The following TANK variants were observed in gnomAD, a reference collection of about 807,000 sequenced individuals.
The protein encoded by TANK is TRAF family member associated NFKB activator.
Under a neutral mutation model 43.6 loss-of-function variants are expected in TANK, and 15 were observed. The observed-to-expected ratio is 0.34, with a 90% CI of 0.23 to 0.53. The LOEUF (loss-of-function observed/expected upper bound fraction) is 0.53. Ranked by LOEUF, TANK falls within the 20% of genes least tolerant of loss-of-function variation. The pLI, the probability that TANK is intolerant of heterozygous loss-of-function variation, is 0.94. For synonymous variants in TANK, 162 were observed against 178.2 expected, an observed-to-expected ratio of 0.91 and a Z score of 0.73; for missense variants, 417 against 498.6, an observed-to-expected ratio of 0.84 and a Z score of 1.56.
At chr2:161,216,681 G>A (rs958428049) in intron 4 of TANK, among the ~76,000 whole-genome samples, 1 of 150,990 alleles carries the variant, frequency 6.6e-6, no homozygotes, top group Non-Finnish European at 1.5e-5. Flanking sequence ...GGTTTCTCCT[G>A]CCCTAAGATT....
chr2:161,160,353 A>G, upstream of TANK: 2 of 1,045,978 alleles, frequency 1.9e-6, no homozygotes, highest in Non-Finnish European at 2.4e-6. Flanking sequence ...TGTTGGGTGG[A>G]GGTGAAGAGT....
In TANK at chr2:161,160,610, G is replaced by A. The variant is rs528591386; in HGVS notation, c.-50+124G>A. Reference sequence around the variant, plus strand: ...GCGCCGCAGGGAGAGAAGCCGAGGAGCAGCGGAGACAACCAATTTGCAGTT... The same window carrying A: ...GCGCCGCAGGGAGAGAAGCCGAGGAACAGCGGAGACAACCAATTTGCAGTT... On this transcript the variant is annotated intron_variant, in intron 1 of 7. Transcript: ENST00000392749. 234 of 815,168 alleles carry A rather than the reference G, an allele frequency of 2.9e-4. 4 individuals carry two copies. In the South Asian group the frequency reaches 4.7e-3, roughly 16 times the overall value. 50.5% of individuals were successfully genotyped at this position (815,168 alleles called of 1,614,324 possible). A position where few individuals can be genotyped will look rare whatever the true frequency, so the allele number is the denominator to read the frequency against.
chr2:161,187,110 A>G (rs1685696037), intron 2 of TANK, among the ~76,000 whole-genome samples: 1 of 152,178 alleles, frequency 6.6e-6, no homozygotes, highest in Non-Finnish European at 1.5e-5. Context: ...ATATTAAATC[A>G]GAGACAACAG....
intron 2 of TANK, chr2:161,200,293 T>C (rs1398665055): frequency 9.6e-6 from 9 of 939,074 alleles, no homozygotes; most frequent in Non-Finnish European, 1.1e-5. Context: ...TGTACTTGCT[T>C]TGTAATTGTA....
intron 1 of TANK, among the ~76,000 whole-genome samples, chr2:161,141,984 C>T (rs1683762676): frequency 6.6e-6 from 1 of 152,160 alleles, no homozygotes; most frequent in Non-Finnish European, 1.5e-5. Context: ...AAAGCCTCGT[C>T]AGCATCTATT....
intron 6 of TANK, among the ~76,000 whole-genome samples, chr2:161,225,619 T>C (rs1231289999): frequency 3.3e-5 from 5 of 152,198 alleles, no homozygotes; most frequent in Admixed American, 2.0e-4. Context: ...GAAGGTAAAC[T>C]GATCATTTAT....
At chr2:161,212,367 C>G (rs1469396894) in intron 4 of TANK, 1 of 984,306 alleles carries the variant, frequency 1.0e-6, no homozygotes, top group Non-Finnish European at 1.2e-6. Flanking sequence ...GGCTGATACA[C>G]AAACTCTTAA....
chr2:161,229,810 C>G (rs1192128717), intron 6 of TANK, among the ~76,000 whole-genome samples: 1 of 152,168 alleles, frequency 6.6e-6, no homozygotes, highest in Non-Finnish European at 1.5e-5. Context: ...TGTGAATGTT[C>G]AACAGTGCTG....
intron 1 of TANK, among the ~76,000 whole-genome samples, chr2:161,163,886 C>T (rs1466206498): frequency 1.3e-5 from 2 of 152,174 alleles, no homozygotes; most frequent in African/African-American, 2.4e-5. Context: ...GTTAATACCT[C>T]GATAATAGTG....
intron 1 of TANK, among the ~76,000 whole-genome samples, chr2:161,168,446 G>T (rs1055412418): frequency 1.3e-5 from 2 of 152,094 alleles, no homozygotes; most frequent in Non-Finnish European, 2.9e-5. Flanking sequence ...AACACCTATT[G>T]CTATGATATA....
intron 2 of TANK, among the ~76,000 whole-genome samples, chr2:161,180,476 T>C (rs536415238): frequency 1.3e-5 from 2 of 152,320 alleles, no homozygotes; most frequent in South Asian, 4.1e-4. Flanking sequence ...ATTAAACTTC[T>C]CATAATGCTA....
chr2:161,162,691 A>G (rs911099733), intron 1 of TANK: 2 of 152,104 alleles, frequency 1.3e-5, no homozygotes, highest in Non-Finnish European at 2.9e-5. Context: ...AGTTTCCTTT[A>G]ATATTTCTAG....
chr2:161,230,848 G>A (rs1687876132), intron 6 of TANK, 123 bp from the exon 7 acceptor site: 1 of 766,422 alleles, frequency 1.3e-6, no homozygotes, highest in African/African-American at 1.8e-5. Context: ...TAAAATCCCA[G>A]TTGTCTTCAT....
intron 2 of TANK, among the ~76,000 whole-genome samples, chr2:161,185,477 G>C (rs146869375): frequency 6.6e-6 from 1 of 151,652 alleles, no homozygotes; most frequent in Non-Finnish European, 1.5e-5. Flanking sequence ...TGAGGTTTTT[G>C]GTTTTTTGTT....
intron 4 of TANK, among the ~76,000 whole-genome samples, chr2:161,208,815 C>T (rs528202099): frequency 2.6e-5 from 4 of 152,288 alleles, no homozygotes; most frequent in South Asian, 2.1e-4. Context: ...CCCTCTGTGA[C>T]GTAGTCTCAA....
At chr2:161,208,063 C>T in intron 4 of TANK, 8 of 825,234 alleles carry the variant, frequency 9.7e-6, no homozygotes, top group Non-Finnish European at 1.2e-5. Context: ...GTGCTTTCCT[C>T]CTTCTGTTTG....
intron 6 of TANK, among the ~76,000 whole-genome samples, chr2:161,226,000 G>T (rs565660140): frequency 6.6e-6 from 1 of 151,950 alleles, no homozygotes; most frequent in Admixed American, 6.6e-5. Flanking sequence ...TTGATCTTTT[G>T]TATGGACTAA....
chr2:161,192,612 C>G (rs1574013709), intron 2 of TANK, among the ~76,000 whole-genome samples: 1 of 152,116 alleles, frequency 6.6e-6, no homozygotes, highest in African/African-American at 2.4e-5. Flanking sequence ...CTAGACCATA[C>G]TAAAATACCA....
intron 2 of TANK, among the ~76,000 whole-genome samples, chr2:161,182,182 C>A (rs796156581): frequency 1.2e-4 from 18 of 151,946 alleles, no homozygotes; most frequent in African/African-American, 4.1e-4. Context: ...ATTAAGAAGA[C>A]TTGACAATTG....
Sources: allele counts gnomAD v4.1 joint callset (sites outside exome capture counted in the v4.1 genomes callset), GRCh38; gene constraint gnomAD v4.1.1; transcripts MANE v1.5; gene names NCBI Gene and HGNC (gene_info 2026-07-23, HGNC 2026-07-21).